The following SFMBT1 variants were observed in gnomAD, a reference collection of about 807,000 sequenced individuals.
The protein encoded by SFMBT1 is Scm like with four mbt domains 1, also known as scm-like with four MBT domains protein 1.
A neutral mutation model predicts 108.7 loss-of-function variants in SFMBT1; 32 were observed. The observed-to-expected ratio is 0.29, with a 90% confidence interval of 0.22 to 0.40. The LOEUF (loss-of-function observed/expected upper bound fraction) is 0.40, where lower values mean the gene tolerates loss of function less well. Ranked by LOEUF, SFMBT1 falls within the 10% of genes least tolerant of loss-of-function variation. The pLI, the probability that SFMBT1 is intolerant of heterozygous loss-of-function variation, is 1.00. For missense variants in SFMBT1, 816 were observed against 1,059.6 expected, an observed-to-expected ratio of 0.77 and a Z score of 3.19; for synonymous variants, 348 against 369.5, an observed-to-expected ratio of 0.94 and a Z score of 0.67.
chr3:52,977,045 C>T (rs1704542404), intron 1 of SFMBT1, among the ~76,000 whole-genome samples: 1 of 152,192 alleles, frequency 6.6e-6, no homozygotes, highest in African/African-American at 2.4e-5. Flanking sequence ...CCACCAGTTC[C>T]ACTTCCAATA....
At chr3:52,961,023 C>T (rs1211414776) in intron 2 of SFMBT1, among the ~76,000 whole-genome samples, 2 of 152,128 alleles carry the variant, frequency 1.3e-5, no homozygotes, top group African/African-American at 4.8e-5. Context: ...GCTGTAGTCC[C>T]AGCTACTTGA....
At chr3:52,970,772 G>A (rs1222990394) in intron 1 of SFMBT1, among the ~76,000 whole-genome samples, 1 of 152,176 alleles carries the variant, frequency 6.6e-6, no homozygotes, top group Non-Finnish European at 1.5e-5. Context: ...AAAAAGCTTA[G>A]CTTTTAATAC....
chr3:52,963,174 T>C (rs1406152113), intron 2 of SFMBT1, among the ~76,000 whole-genome samples: 1 of 151,730 alleles, frequency 6.6e-6, no homozygotes, highest in Non-Finnish European at 1.5e-5. Context: ...TTTGTATTTT[T>C]AGTAGAGATG....
chr3:53,036,985 T>A lies in SFMBT1; in HGVS notation c.-131+8831A>T, dbSNP rs1213614494. 3.3e-5 allele frequency among the ~76,000 whole-genome samples: 5 copies of A among 152,018 alleles called. No homozygotes were observed. In the South Asian group the frequency reaches 1.0e-3, roughly 32 times the overall value. On this transcript the variant is annotated intron_variant, in intron 1 of 20. Coordinates refer to ENST00000394752, the MANE Select transcript of SFMBT1 (RefSeq NM_016329.4). ...GGAGAAAATGAAGGTCACAATGAGATAAAAGACGAGGCATAGGGAGAACAG... is the reference window on the plus strand; with the variant it reads ...GGAGAAAATGAAGGTCACAATGAGAAAAAAGACGAGGCATAGGGAGAACAG...
intron 2 of SFMBT1, 63 bp downstream of exon 2, chr3:52,969,038 T>C (rs1440226555): frequency 6.3e-7 from 1 of 1,589,228 alleles, no homozygotes; most frequent in Non-Finnish European, 8.6e-7. Flanking sequence ...ACAGACAATA[T>C]AACACAGGCA....
chr3:53,029,909 G>A (rs1356084733), intron 1 of SFMBT1, among the ~76,000 whole-genome samples: 6 of 151,882 alleles, frequency 4.0e-5, no homozygotes, highest in African/African-American at 1.5e-4. Flanking sequence ...TGGGGGCAGG[G>A]AGGCTGGAGA....
chr3:52,984,019 G>A (rs551236756), intron 1 of SFMBT1, among the ~76,000 whole-genome samples: 1 of 152,208 alleles, frequency 6.6e-6, no homozygotes, highest in African/African-American at 2.4e-5. Context: ...GCTAGGTCTA[G>A]GACAGGAGAA....
chr3:53,030,006 C>A (rs12489490), intron 1 of SFMBT1, among the ~76,000 whole-genome samples: 29,198 of 151,632 alleles, frequency 0.19, 3,496 homozygotes, highest in Admixed American at 0.28. Flanking sequence ...GAAAAAAAAA[C>A]CAGTTTAAAT....
chr3:53,006,763 G>A (rs1698758924), intron 1 of SFMBT1, among the ~76,000 whole-genome samples: 1 of 152,150 alleles, frequency 6.6e-6, no homozygotes, highest in Non-Finnish European at 1.5e-5. Flanking sequence ...AAACACCAAG[G>A]GAAGACTGTA....
chr3:53,040,968 A>ATTTTTTTTT lies in SFMBT1; in HGVS notation c.-131+4839_-131+4847dup, dbSNP rs57640588. ...TACAGGCATGCACCAAGACACCTGA[A>ATTTTTTTTT]TTTTTTTTTTTTTTTTTTTTTTTTT... On this transcript the variant is annotated intron_variant, in intron 1 of 20. Transcript: ENST00000394752. Among the ~76,000 whole-genome samples the ATTTTTTTTT allele has an allele frequency of 3.7e-3, 170 of 46,368 alleles. 17 individuals carry two copies. Among genetic ancestry groups the ATTTTTTTTT allele is most frequent in the Non-Finnish European group, 4.4e-3 (111 of 25,162 alleles). The allele number at this position is 46,368 out of a possible 152,430, so 30.4% of individuals were successfully genotyped here.
chr3:52,934,733 GT>G, intron 5 of SFMBT1, 79 bp downstream of exon 5: 1 of 1,187,414 alleles, frequency 8.4e-7, no homozygotes, highest in Non-Finnish European at 1.2e-6. Flanking sequence ...CTTCAGAGTG[GT>G]AAATAAGCAA....
chr3:52,954,296 G>T, intron 3 of SFMBT1, 21 bp downstream of exon 3: 1 of 1,543,198 alleles, frequency 6.5e-7, no homozygotes, highest in Non-Finnish European at 8.9e-7. Context: ...CACCAGTAAG[G>T]CAAATATAGT....
intron 1 of SFMBT1, among the ~76,000 whole-genome samples, chr3:52,989,743 A>G (rs1392261478): frequency 1.3e-5 from 2 of 151,110 alleles, no homozygotes; most frequent in Non-Finnish European, 3.0e-5. Context: ...GCAGTAAGCC[A>G]AGGTCACGCC....
At chr3:53,031,596 T>A (rs1279416275) in intron 1 of SFMBT1, among the ~76,000 whole-genome samples, 1 of 147,438 alleles carries the variant, frequency 6.8e-6, no homozygotes. Flanking sequence ...TATAACACTG[T>A]AAAAAAAAAA....
At chr3:53,004,770 A>G (rs2581795) in intron 1 of SFMBT1, among the ~76,000 whole-genome samples, 61,224 of 149,226 alleles carry the variant, frequency 0.41, 14,993 homozygotes, top group South Asian at 0.61. Context: ...CCTGTGTAAC[A>G]TAGGGCCTCC....
chr3:52,974,363 G>A (rs770292952), intron 1 of SFMBT1, among the ~76,000 whole-genome samples: 12 of 152,166 alleles, frequency 7.9e-5, no homozygotes, highest in Non-Finnish European at 1.6e-4. Flanking sequence ...CTCTGACCCT[G>A]ACAGTGCAGT....
At chr3:53,020,585 G>A (rs1699273352) in intron 1 of SFMBT1, among the ~76,000 whole-genome samples, 1 of 152,022 alleles carries the variant, frequency 6.6e-6, no homozygotes, top group South Asian at 2.1e-4. Flanking sequence ...TGCAATACAA[G>A]CTGTTGTCTT....
intron 2 of SFMBT1, among the ~76,000 whole-genome samples, chr3:52,957,546 C>T (rs952132034): frequency 2.0e-5 from 3 of 152,164 alleles, no homozygotes; most frequent in Non-Finnish European, 4.4e-5. Context: ...GAAGGCATAG[C>T]CCTACCTGAC....
intron 1 of SFMBT1, among the ~76,000 whole-genome samples, chr3:53,017,914 T>C (rs1699179962): frequency 6.6e-6 from 1 of 152,174 alleles, no homozygotes; most frequent in African/African-American, 2.4e-5. Flanking sequence ...AGTCTATGCA[T>C]ACTTAGAAAA....
Sources: allele counts gnomAD v4.1 joint callset (sites outside exome capture counted in the v4.1 genomes callset), GRCh38; gene constraint gnomAD v4.1.1; transcripts MANE v1.5; gene names NCBI Gene and HGNC (gene_info 2026-07-23, HGNC 2026-07-21).